EXOSC10: variants seen among roughly 807,000 people sequenced by gnomAD.
EXOSC10 encodes exosome component 10, also known as exosome complex component 10.
EXOSC10 carries 94 observed loss-of-function variants against 126.6 expected under a neutral mutation model. That is an observed-to-expected ratio of 0.74 (90% CI 0.63 to 0.88). The LOEUF (loss-of-function observed/expected upper bound fraction) is 0.88, where lower values mean the gene tolerates loss of function less well. Ranked by LOEUF, EXOSC10 falls within the 40% of genes least tolerant of loss-of-function variation. The pLI is 0.00. For missense variants in EXOSC10, 1,041 were observed against 1,100.5 expected (o/e 0.95, Z 0.77); for synonymous variants, 395 against 400.8 (o/e 0.99, Z 0.17).
chr1:11,090,567 C>A lies in EXOSC10; in HGVS notation c.745G>T (p.Val249Phe). 1 of 1,614,044 alleles carries A rather than the reference C, an allele frequency of 6.2e-7. No individual in the cohort carries two copies. The highest frequency in any genetic ancestry group is 8.5e-7 in the Non-Finnish European group (1 of 1,179,938). ...GCCAACACTTACATGTCTTGCTCAACCTGCTGGGTTCTCTGCTGATGGATG... is the reference window on the plus strand; with the variant it reads ...GCCAACACTTACATGTCTTGCTCAAACTGCTGGGTTCTCTGCTGATGGATG... ...DFIHQQRTQQ[V>F]EQDMFAHPYQ... is the part of the protein sequence containing the mutation. Residue 249 changes from valine (V) to phenylalanine (F), a missense_variant, in exon 6 of 25, where the codon GTT (valine) becomes TTT (phenylalanine). By Grantham distance (50) the Val-to-Phe change is conservative. This residue lies in a region of EXOSC10 where 645 missense variants were observed against 656.3 expected (regional missense o/e 0.98). Transcript: ENST00000376936.
At chr1:11,096,669 G>C (rs1317696344) in intron 2 of EXOSC10, among the ~76,000 whole-genome samples, 1 of 148,712 alleles carries the variant, frequency 6.7e-6, no homozygotes, top group Non-Finnish European at 1.5e-5. Flanking sequence ...TGTAGGGATG[G>C]AGTCTCCCTA....
At chr1:11,070,280 A>AAAG (rs907166904) in intron 21 of EXOSC10, among the ~76,000 whole-genome samples, 8 of 150,522 alleles carry the variant, frequency 5.3e-5, no homozygotes, top group Non-Finnish European at 8.9e-5. Flanking sequence ...AAAAAAAAAA[A>AAAG]AAAAAGGAAA....
rs147305403 is a variant in EXOSC10, at chr1:11,079,816, A to G, written c.1644T>C (p.Pro548=). 2 of 1,611,398 alleles carry G rather than the reference A, an allele frequency of 1.2e-6. No individual in the cohort carries two copies. Among genetic ancestry groups the G allele is most frequent in the African/African-American group, 2.7e-5 (2 of 74,898 alleles). The change falls in exon 14 of 25, where the codon CCT becomes CCC. Residue 548 remains proline, a synonymous_variant. Transcript: ENST00000376936. ...LKIAEELPKE[P]QGIIACCNPV... ...GGTTGCAGCAAGCTATGATGCCCTG[A>G]GGTTCCCTGAAGACAAGTAAGAACA...
At position 11,069,572 on chromosome 1, in the gene EXOSC10, G is replaced by A. The variant is rs1639334118; in HGVS notation, c.2475C>T (p.Phe825=). ...FTPYDYSQSD[F]KAFAGNSKSK... ...TTACTTCCTCACCAGCAAAAGCCTTGAAGTCTGACTGGCTGTAGTCGTAAG... is the reference window on the plus strand; with the variant it reads ...TTACTTCCTCACCAGCAAAAGCCTTAAAGTCTGACTGGCTGTAGTCGTAAG... The change falls in exon 22 of 25, where the codon TTC becomes TTT. Residue 825 remains phenylalanine (F), a synonymous_variant. Coordinates refer to ENST00000376936, the MANE Select transcript of EXOSC10 (RefSeq NM_001001998.3). 2 of 1,613,130 alleles carry A rather than the reference G, an allele frequency of 1.2e-6. No individual in the cohort carries two copies. The highest frequency in any genetic ancestry group is 1.7e-6 in the Non-Finnish European group (2 of 1,179,854).
chr1:11,078,297 G>A (rs1268638465), intron 14 of EXOSC10, among the ~76,000 whole-genome samples: 15 of 147,070 alleles, frequency 1.0e-4, no homozygotes, highest in East Asian at 2.1e-4. Context: ...TCGCTCTGTC[G>A]CCCAGACTGG....
chr1:11,072,082 GT>G lies in EXOSC10; in HGVS notation c.2242+4del, dbSNP rs1175773387. The G allele has an allele frequency of 3.7e-6, 6 of 1,610,664 alleles. No individual in the cohort carries two copies. The highest frequency in any genetic ancestry group is 5.1e-6 in the Non-Finnish European group (6 of 1,178,004). ...CCGACTGAGTTGCAAGGAAGTGAGTGTTACCTGTTTGCTCAGCTGCCTTCTT... is the reference window on the plus strand; with the variant it reads ...CCGACTGAGTTGCAAGGAAGTGAGTGTACCTGTTTGCTCAGCTGCCTTCTT... On this transcript the variant is annotated splice_donor_region_variant and intron_variant, in intron 20 of 24. Coordinates refer to ENST00000376936, the MANE Select transcript of EXOSC10 (RefSeq NM_001001998.3).
chr1:11,084,714 A>T (rs535140537), intron 9 of EXOSC10, among the ~76,000 whole-genome samples: 80 of 152,256 alleles, frequency 5.3e-4, no homozygotes, highest in African/African-American at 1.9e-3. Flanking sequence ...CTATGTCCTG[A>T]ATGGTATTGC....
In EXOSC10 at chr1:11,091,127, G is replaced by A; in HGVS notation, c.530C>T (p.Ala177Val). Residue 177 changes from alanine to valine, a missense_variant, in exon 5 of 25, where the codon GCA becomes GTA. Physicochemically the swap from Ala to Val is moderately conservative, Grantham distance 64. Coordinates refer to ENST00000376936, the MANE Select transcript of EXOSC10 (RefSeq NM_001001998.3). ...GAGCTGAGGTCGGATGATATTTTTT[G>A]CATGAAGCAGCCGGAAAGTTTCAGA... is the stretch of plus-strand genomic sequence containing the variant. Reference protein sequence around the residue: ...AKSETFRLLHAKNIIRPQLKF... With the variant: ...AKSETFRLLHVKNIIRPQLKF... 6.2e-7 allele frequency: 1 copy of A among 1,614,114 alleles called. No homozygotes were observed. The highest frequency in any genetic ancestry group is 1.1e-5 in the South Asian group (1 of 91,058).
At chr1:11,067,243 A>G (rs1196784602) in intron 24 of EXOSC10, among the ~76,000 whole-genome samples, 1 of 152,188 alleles carries the variant, frequency 6.6e-6, no homozygotes, top group Non-Finnish European at 1.5e-5. Context: ...CATCCTGGCT[A>G]ACATGGTGAA....
chr1:11,080,926 G>C lies in EXOSC10; in HGVS notation c.1438-14C>G. 6.3e-7 allele frequency: 1 copy of C among 1,595,150 alleles called. No homozygotes were observed. The highest frequency in any genetic ancestry group is 8.5e-7 in the Non-Finnish European group (1 of 1,171,434). Reference sequence around the variant, plus strand: ...TTTGATGAATTTCTACAAAGTATTAGAGAACATTCAAAATCAACGGGAATC... The same window carrying C: ...TTTGATGAATTTCTACAAAGTATTACAGAACATTCAAAATCAACGGGAATC... On this transcript the variant is annotated splice_polypyrimidine_tract_variant and intron_variant, in intron 11 of 24. Coordinates refer to ENST00000376936, the MANE Select transcript of EXOSC10 (RefSeq NM_001001998.3).
chr1:11,099,174 G>T (rs765701561), intron 1 of EXOSC10, among the ~76,000 whole-genome samples: 1 of 152,238 alleles, frequency 6.6e-6, no homozygotes, highest in Non-Finnish European at 1.5e-5. Context: ...TCATATTTAA[G>T]CTAAGTTATA....
At chr1:11,074,174 T>G (rs1191054060) in intron 18 of EXOSC10, 57 bp downstream of exon 18, 1 of 1,466,164 alleles carries the variant, frequency 6.8e-7, no homozygotes, top group African/African-American at 1.4e-5. Flanking sequence ...GGTAAAAGCA[T>G]GTACAGCTGT....
In EXOSC10 at chr1:11,090,657, C is replaced by G. The variant is rs917177933; in HGVS notation, c.655G>C (p.Glu219Gln). ...QKPLPQALSK[E>Q]RRERPQDRPE... ...CGATCCTGTGGGCGTTCCCGCCTTTCCTTAGAGAGAGCTGGGGATCCCAGC... is the reference window on the plus strand; with the variant it reads ...CGATCCTGTGGGCGTTCCCGCCTTTGCTTAGAGAGAGCTGGGGATCCCAGC... Residue 219 changes from glutamate to glutamine, a missense_variant, in exon 6 of 25, where the codon GAA (glutamate) becomes CAA (glutamine). Around this residue, in one of 3 missense-constraint regions of EXOSC10, gnomAD observed 645 missense variants for 656.3 expected, o/e 0.98. Coordinates refer to ENST00000376936, the MANE Select transcript of EXOSC10 (RefSeq NM_001001998.3). 5.0e-6 allele frequency: 8 copies of G among 1,608,644 alleles called. 1 individual carries two copies. Among genetic ancestry groups the G allele is most frequent in the African/African-American group, 2.7e-5 (2 of 74,738 alleles).
chr1:11,078,947 T>G (rs1194681824), intron 14 of EXOSC10, among the ~76,000 whole-genome samples: 3 of 152,200 alleles, frequency 2.0e-5, no homozygotes, highest in African/African-American at 7.2e-5. Context: ...CTGGATTTCC[T>G]AAGCCCTATT....
intron 22 of EXOSC10, 125 bp from the exon 23 acceptor site, chr1:11,068,831 G>A (rs1639268957): frequency 1.3e-6 from 1 of 768,910 alleles, no homozygotes; most frequent in South Asian, 1.4e-5. Flanking sequence ...CCCCTGTCAC[G>A]ATGAGGGGCT....
At position 11,074,261 on chromosome 1, in the gene EXOSC10, G is replaced by C. The variant is rs763029017; in HGVS notation, c.2052C>G (p.Ile684Met). 1 of 1,614,092 alleles carries C rather than the reference G, an allele frequency of 6.2e-7. No individual in the cohort carries two copies. Among genetic ancestry groups the C allele is most frequent in the Non-Finnish European group, 8.5e-7 (1 of 1,179,960 alleles). Residue 684 changes from isoleucine (I) to methionine (M), a missense_variant, in exon 18 of 25, where the codon ATC (isoleucine) becomes ATG (methionine). Coordinates refer to ENST00000376936, the MANE Select transcript of EXOSC10 (RefSeq NM_001001998.3). ...TAAATGGATTTTCAAAGGACTCCAT[G>C]ATGTTCTGGGCTTTTTTCTGTGCAA... ...LTVAQKKAQN[I>M]MESFENPFRM... is the part of the protein sequence containing the mutation.
In EXOSC10 at chr1:11,090,674, G is replaced by T. The variant is rs1454717632; in HGVS notation, c.644-6C>A. 2 of 1,582,876 alleles carry T rather than the reference G, an allele frequency of 1.3e-6. No homozygotes were observed. Among genetic ancestry groups the T allele is most frequent in the Non-Finnish European group, 8.6e-7 (1 of 1,159,860 alleles). ...CCGCCTTTCCTTAGAGAGAGCTGGG[G>T]ATCCCAGCAGTGACAAAAACATCAT... is the stretch of plus-strand genomic sequence containing the variant. On this transcript the variant is annotated splice_region_variant and splice_polypyrimidine_tract_variant and intron_variant, in intron 5 of 24. Coordinates refer to ENST00000376936, the MANE Select transcript of EXOSC10 (RefSeq NM_001001998.3).
chr1:11,090,405 A>G (rs1288335092), intron 6 of EXOSC10, 149 bp downstream of exon 6: 1 of 707,974 alleles, frequency 1.4e-6, no homozygotes, highest in South Asian at 1.6e-5. Flanking sequence ...GAACACAAAC[A>G]GCAGGTTTTA....
In EXOSC10 at chr1:11,099,818, C is replaced by A; in HGVS notation, c.14G>T (p.Ser5Ile). The A allele has an allele frequency of 6.2e-7, 1 of 1,606,622 alleles. No individual in the cohort carries two copies. The highest frequency in any genetic ancestry group is 8.5e-7 in the Non-Finnish European group (1 of 1,176,152). The change falls in exon 1 of 25, where the codon AGT becomes ATT. Residue 5 changes from serine to isoleucine, a missense_variant. By Grantham distance (142) the Ser-to-Ile change is moderately radical (BLOSUM62 -2). This residue lies in a region of EXOSC10 where 645 missense variants were observed against 656.3 expected (regional missense o/e 0.98). Coordinates refer to ENST00000376936, the MANE Select transcript of EXOSC10 (RefSeq NM_001001998.3). MAPP[S>I]TREPRVLSAT... ...CGACAGGACCCTGGGCTCCCGGGTA[C>A]TGGGTGGCGCCATTTTTTCAGCCTG...
Sources: gnomAD v4.1 joint callset for allele counts (sites outside exome capture counted in the v4.1 genomes callset) on GRCh38, gnomAD v4.1.1 for gene constraint, gnomAD v4.1.1 regional missense constraint, MANE v1.5 for transcripts, NCBI Gene and HGNC (gene_info 2026-07-23, HGNC 2026-07-21) for gene names.